Variants in RNF180 observed in about 807,000 individuals in gnomAD.
RNF180 encodes the protein ring finger protein 180.
RNF180 carries 38 observed loss-of-function variants against 59.2 expected under a neutral mutation model. The ratio of observed to expected loss-of-function variants is 0.64; its 90% CI spans 0.50 to 0.84. The LOEUF (loss-of-function observed/expected upper bound fraction) is 0.84, where lower values mean the gene tolerates loss of function less well. Ranked by LOEUF, RNF180 falls within the 40% of genes least tolerant of loss-of-function variation. The pLI is 0.00. For missense variants in RNF180, 705 were observed against 700.9 expected (o/e 1.01, Z -0.07); for synonymous variants, 262 against 240.3 (o/e 1.09, Z -0.84).
intron 1 of RNF180, among the ~76,000 whole-genome samples, chr5:64,174,215 C>T (rs1428727428): frequency 6.6e-6 from 1 of 152,158 alleles, no homozygotes; most frequent in Non-Finnish European, 1.5e-5. Context: ...CTTTGATGGA[C>T]ACTTAGATTG....
At chr5:64,256,293 T>G (rs1056422562) in intron 5 of RNF180, among the ~76,000 whole-genome samples, 39 of 152,238 alleles carry the variant, frequency 2.6e-4, no homozygotes, top group African/African-American at 8.9e-4. Flanking sequence ...TGTCCTGAAT[T>G]GTATTGCCTA....
chr5:64,225,848 G>A (rs569268543), intron 5 of RNF180, among the ~76,000 whole-genome samples: 5 of 144,984 alleles, frequency 3.4e-5, no homozygotes, highest in East Asian at 2.2e-4. Flanking sequence ...TGAAGCGAGC[G>A]CCTCTGCCCG....
chr5:64,168,147 T>C (rs892486058), intron 1 of RNF180, among the ~76,000 whole-genome samples: 3 of 152,194 alleles, frequency 2.0e-5, no homozygotes, highest in Non-Finnish European at 2.9e-5. Flanking sequence ...AATAAAAACA[T>C]TTCATGATAA....
intron 4 of RNF180, among the ~76,000 whole-genome samples, chr5:64,215,580 G>A (rs959390497): frequency 3.9e-5 from 6 of 152,178 alleles, no homozygotes; most frequent in Admixed American, 3.3e-4. Flanking sequence ...AGTATAATGT[G>A]ACATCAAAGT....
intron 5 of RNF180, among the ~76,000 whole-genome samples, chr5:64,259,188 A>T (rs147618574): frequency 6.6e-6 from 1 of 152,138 alleles, no homozygotes; most frequent in Non-Finnish European, 1.5e-5. Flanking sequence ...AGAAGGCTGT[A>T]TAAGTGATGT....
intron 5 of RNF180, among the ~76,000 whole-genome samples, chr5:64,272,884 T>C (rs1331869775): frequency 6.6e-6 from 1 of 152,002 alleles, no homozygotes; most frequent in Non-Finnish European, 1.5e-5. Context: ...TATGGATGTA[T>C]TGAATTGAGG....
At chr5:64,290,557 T>C (rs1742525692) in intron 5 of RNF180, among the ~76,000 whole-genome samples, 2 of 152,186 alleles carry the variant, frequency 1.3e-5, no homozygotes, top group Admixed American at 6.5e-5. Flanking sequence ...AATCTCAGTG[T>C]TCCTTTATTG....
chr5:64,219,000 A>G (rs1350355946), intron 5 of RNF180, among the ~76,000 whole-genome samples: 1 of 152,184 alleles, frequency 6.6e-6, no homozygotes, highest in Non-Finnish European at 1.5e-5. Flanking sequence ...TTATTAAATC[A>G]TAGTTTCCAA....
chr5:64,220,696 T>C (rs890158008), intron 5 of RNF180, among the ~76,000 whole-genome samples: 1 of 152,132 alleles, frequency 6.6e-6, no homozygotes, highest in East Asian at 1.9e-4. Context: ...TTTGTATTTC[T>C]TACCTTTAGG....
intron 2 of RNF180, among the ~76,000 whole-genome samples, chr5:64,201,844 A>T (rs1455855090): frequency 6.6e-6 from 1 of 152,120 alleles, no homozygotes; most frequent in African/African-American, 2.4e-5. Flanking sequence ...GGTTCAAGTG[A>T]TTCTCCTGCC....
chr5:64,206,982 C>T (rs1193828226), intron 2 of RNF180, among the ~76,000 whole-genome samples: 1 of 151,980 alleles, frequency 6.6e-6, no homozygotes, highest in Non-Finnish European at 1.5e-5. Flanking sequence ...AGACCACACA[C>T]GTCCTGTAAT....
intron 5 of RNF180, among the ~76,000 whole-genome samples, chr5:64,245,599 G>A (rs532507625): frequency 2.0e-5 from 3 of 152,168 alleles, no homozygotes; most frequent in South Asian, 4.1e-4. Flanking sequence ...CAATATGGGA[G>A]CACCAAGATT....
intron 2 of RNF180, among the ~76,000 whole-genome samples, chr5:64,207,081 T>C (rs1494633): frequency 0.29 from 43,380 of 151,702 alleles, 6,435 homozygotes; most frequent in African/African-American, 0.35. Flanking sequence ...CTATTAATAT[T>C]ATAACAATTA....
chr5:64,191,158 G>GA (rs1268755097), intron 1 of RNF180, among the ~76,000 whole-genome samples: 1 of 152,014 alleles, frequency 6.6e-6, no homozygotes, highest in Non-Finnish European at 1.5e-5. Flanking sequence ...TCTGTTTATA[G>GA]AAAAAATGAG....
chr5:64,179,722 CATATG>C (rs1275397232), intron 1 of RNF180, among the ~76,000 whole-genome samples: 1 of 152,082 alleles, frequency 6.6e-6, no homozygotes, highest in Admixed American at 6.6e-5. Context: ...TGAACATTCC[CATATG>C]ATATGTTTCC....
intron 5 of RNF180, among the ~76,000 whole-genome samples, chr5:64,244,061 C>T (rs528611487): frequency 1.3e-5 from 2 of 152,238 alleles, no homozygotes; most frequent in African/African-American, 2.4e-5. Context: ...ACAAAAAGGA[C>T]GTTCACGTAG....
At chr5:64,336,818 C>G (rs1253298150) in intron 7 of RNF180, among the ~76,000 whole-genome samples, 2 of 152,002 alleles carry the variant, frequency 1.3e-5, no homozygotes, top group Non-Finnish European at 2.9e-5. Context: ...TTACTTTAGA[C>G]ATTACAAATT....
chr5:64,265,574 T>C (rs188698706), intron 5 of RNF180, among the ~76,000 whole-genome samples: 29 of 152,174 alleles, frequency 1.9e-4, no homozygotes, highest in African/African-American at 6.7e-4. Context: ...GTGTTCTGTT[T>C]CATTGGTCTA....
At chr5:64,171,977 A>G (rs1214062704) in intron 1 of RNF180, among the ~76,000 whole-genome samples, 1 of 152,192 alleles carries the variant, frequency 6.6e-6, no homozygotes, top group Non-Finnish European at 1.5e-5. Context: ...TGGCACAAAA[A>G]TCAGTTGGAG....
Sources: allele counts gnomAD v4.1 joint callset (sites outside exome capture counted in the v4.1 genomes callset), GRCh38; gene constraint gnomAD v4.1.1; transcripts MANE v1.5; gene names NCBI Gene and HGNC (gene_info 2026-07-23, HGNC 2026-07-21).